AK9: variants seen among roughly 807,000 people sequenced by gnomAD.
AK9 encodes adenylate kinase domain containing 1.
AK9 carries 191 observed loss-of-function variants against 239.6 expected under a neutral mutation model. The observed-to-expected ratio is 0.80, with a 90% CI of 0.71 to 0.90. The LOEUF (loss-of-function observed/expected upper bound fraction) is 0.90. AK9 is among the 40% of genes least tolerant of loss of function. The probability of loss-of-function intolerance (pLI) is 0.00; values close to 1 mark genes in which losing one functional copy is unlikely to be tolerated. For synonymous variants in AK9, 689 were observed against 721.0 expected (o/e 0.96, Z 0.71); for missense variants, 1,995 against 2,214.7 (o/e 0.90, Z 1.99).
At chr6:109,646,351 A>T (rs1346826956) in intron 8 of AK9, among the ~76,000 whole-genome samples, 2 of 152,170 alleles carry the variant, frequency 1.3e-5, no homozygotes, top group Non-Finnish European at 2.9e-5. Flanking sequence ...CCTTGAAAAA[A>T]GGTTAGACGA....
At chr6:109,499,844 C>T (rs1777422125) in intron 35 of AK9, among the ~76,000 whole-genome samples, 1 of 152,170 alleles carries the variant, frequency 6.6e-6, no homozygotes, top group African/African-American at 2.4e-5. Context: ...AGGTGATCCA[C>T]CCACCTCGGC....
chr6:109,573,398 T>A lies in AK9; in HGVS notation c.2344+44A>T. The A allele has an allele frequency of 2.0e-6, 3 of 1,511,562 alleles. No individual in the cohort carries two copies. In the South Asian group the frequency reaches 3.9e-5, roughly 20 times the overall value. 93.6% of individuals were successfully genotyped at this position (1,511,562 alleles called of 1,614,324 possible). A position where few individuals can be genotyped will look rare whatever the true frequency, so the allele number is the denominator to read the frequency against. On this transcript the variant is annotated intron_variant, in intron 21 of 40. Transcript: ENST00000424296. Reference sequence around the variant, plus strand: ...ACACATACCCAAACAGACACATTAATGCACATGAGTAGAATTAAGAACTTG... The same window carrying A: ...ACACATACCCAAACAGACACATTAAAGCACATGAGTAGAATTAAGAACTTG...
intron 35 of AK9, among the ~76,000 whole-genome samples, chr6:109,502,056 G>A (rs947961457): frequency 3.3e-5 from 5 of 152,174 alleles, no homozygotes; most frequent in Admixed American, 2.0e-4. Flanking sequence ...ATCACTGGAA[G>A]CCACAGGGTG....
At position 109,641,501 on chromosome 6, in the gene AK9, A is replaced by C. The variant is rs1337041040; in HGVS notation, c.933+17T>G. 3 of 1,593,188 alleles carry C rather than the reference A, an allele frequency of 1.9e-6. No homozygotes were observed. Among genetic ancestry groups the C allele is most frequent in the Middle Eastern group, 3.3e-4 (2 of 6,008 alleles). On this transcript the variant is annotated intron_variant, in intron 10 of 40. Coordinates refer to ENST00000424296, the MANE Select transcript of AK9 (RefSeq NM_001145128.3). Reference sequence around the variant, plus strand: ...TATATTGAAAATTAGACTTTCAGACAGTTCCATATAACTTACATTTTCCAT... The same window carrying C: ...TATATTGAAAATTAGACTTTCAGACCGTTCCATATAACTTACATTTTCCAT...
chr6:109,514,506 T>C (rs1323233510), intron 31 of AK9, 69 bp from the exon 32 acceptor site: 42 of 1,324,690 alleles, frequency 3.2e-5, no homozygotes, highest in Non-Finnish European at 3.9e-5. Flanking sequence ...GAAACATATT[T>C]GAAAAAAACA....
intron 1 of AK9, among the ~76,000 whole-genome samples, chr6:109,678,908 G>A (rs1006076441): frequency 2.0e-5 from 3 of 152,200 alleles, no homozygotes; most frequent in Admixed American, 2.0e-4. Flanking sequence ...GTGCCATGAG[G>A]AACGGTGCAC....
chr6:109,535,611 T>C (rs1467137088), intron 27 of AK9, among the ~76,000 whole-genome samples: 1 of 152,246 alleles, frequency 6.6e-6, no homozygotes, highest in East Asian at 1.9e-4. Flanking sequence ...TTAGTTTAAT[T>C]AGATCCCATT....
At chr6:109,649,300 T>C (rs1798560914) in intron 8 of AK9, among the ~76,000 whole-genome samples, 1 of 151,940 alleles carries the variant, frequency 6.6e-6, no homozygotes, top group African/African-American at 2.4e-5. Context: ...GGAAGTCAAA[T>C]TGTCCCTGTT....
At chr6:109,659,150 T>C (rs2128314834) in intron 7 of AK9, 78 bp downstream of exon 7, 1 of 1,402,350 alleles carries the variant, frequency 7.1e-7, no homozygotes, top group Non-Finnish European at 9.3e-7. Context: ...CTATTTCCTA[T>C]TACCTATACC....
At chr6:109,637,357 T>C (rs1796851426) in intron 10 of AK9, among the ~76,000 whole-genome samples, 1 of 152,064 alleles carries the variant, frequency 6.6e-6, no homozygotes, top group African/African-American at 2.4e-5. Context: ...TTTTACTCTA[T>C]TGATTGATGT....
At position 109,563,623 on chromosome 6, in the gene AK9, C is replaced by T; in HGVS notation, c.2725G>A (p.Glu909Lys). ...TCTTCCTCTTCCTCTTCCTCTAGCTCCTCATCAACCTCTGCTTCAGTCTGG... is the reference window on the plus strand; with the variant it reads ...TCTTCCTCTTCCTCTTCCTCTAGCTTCTCATCAACCTCTGCTTCAGTCTGG... ...DYQTEAEVDE[E>K]LEEEEEEEGE... Residue 909 changes from glutamate to lysine, a missense_variant, in exon 24 of 41, where the codon GAG becomes AAG. Glu to Lys is a moderately conservative substitution (Grantham distance 56). Around this residue, in one of 5 missense-constraint regions of AK9, gnomAD observed 1,290 missense variants for 1,392.7 expected, o/e 0.93. Transcript: ENST00000424296. 6.4e-7 allele frequency: 1 copy of T among 1,551,258 alleles called. No individual in the cohort carries two copies. Among genetic ancestry groups the T allele is most frequent in the Non-Finnish European group, 8.7e-7 (1 of 1,146,600 alleles).
intron 8 of AK9, among the ~76,000 whole-genome samples, chr6:109,645,217 G>A (rs1244190627): frequency 1.3e-5 from 2 of 152,294 alleles, no homozygotes; most frequent in South Asian, 2.1e-4. Flanking sequence ...TGGACAGTGG[G>A]TGCAGCCCAT....
chr6:109,533,220 T>G, intron 28 of AK9, 31 bp downstream of exon 28: 1 of 1,531,672 alleles, frequency 6.5e-7, no homozygotes, highest in East Asian at 2.3e-5. Context: ...GCTGAACAGA[T>G]TTATTCAATG....
rs367881229 is a variant in AK9 at position 109,594,425 on chromosome 6, TG to T, written c.1843-8354del. 3.5e-4 allele frequency among the ~76,000 whole-genome samples: 54 copies of T among 152,252 alleles called. 5 individuals are homozygous for T. The highest frequency in any genetic ancestry group is 2.9e-3 in the East Asian group (15 of 5,182). The stretch of plus-strand genomic sequence containing the variant: ...ATAGGAAGAATCAATATCATGAAAA[TG>T]GCCATACTGCCCAAAGTAATTTATA... On this transcript the variant is annotated intron_variant, in intron 17 of 40. Coordinates refer to ENST00000424296, the MANE Select transcript of AK9 (RefSeq NM_001145128.3).
At chr6:109,675,821 A>G (rs755825405) in intron 1 of AK9, 65 bp from the exon 2 acceptor site, 60 of 906,488 alleles carry the variant, frequency 6.6e-5, no homozygotes, top group Non-Finnish European at 9.7e-5. Flanking sequence ...ACTAGGAACA[A>G]TTGAAATAAC....
At chr6:109,587,511 T>C (rs1789662494) in intron 17 of AK9, among the ~76,000 whole-genome samples, 1 of 152,182 alleles carries the variant, frequency 6.6e-6, no homozygotes, top group Admixed American at 6.5e-5. Context: ...CATTCACCAC[T>C]TCCCCACCCC....
chr6:109,522,445 T>G (rs1031962795), intron 29 of AK9, among the ~76,000 whole-genome samples: 18 of 152,134 alleles, frequency 1.2e-4, no homozygotes, highest in Non-Finnish European at 1.8e-4. Context: ...AGATCTTCAG[T>G]TTTTTTCTTT....
intron 35 of AK9, among the ~76,000 whole-genome samples, chr6:109,501,508 A>G (rs908068971): frequency 3.9e-5 from 6 of 152,336 alleles, no homozygotes; most frequent in Admixed American, 1.3e-4. Flanking sequence ...ATCTTTATTA[A>G]CTGGCATTCC....
At chr6:109,528,165 C>T in intron 29 of AK9, 1 of 266,272 alleles carries the variant, frequency 3.8e-6, no homozygotes, top group South Asian at 4.0e-5. Context: ...TCCTTCACTG[C>T]TGAAACATTT....
Sources: gnomAD v4.1 joint callset for allele counts (sites outside exome capture counted in the v4.1 genomes callset) on GRCh38, gnomAD v4.1.1 for gene constraint, gnomAD v4.1.1 regional missense constraint, MANE v1.5 for transcripts, NCBI Gene and HGNC (gene_info 2026-07-23, HGNC 2026-07-21) for gene names.